The following DPYS variants were observed in gnomAD, a reference collection of about 807,000 sequenced individuals.
DPYS encodes dihydropyrimidinase.
A neutral mutation model predicts 50.3 loss-of-function variants in DPYS; 39 were observed. That is an observed-to-expected ratio of 0.78 (90% CI 0.60 to 1.01). The LOEUF (loss-of-function observed/expected upper bound fraction) is 1.01. DPYS is among the 50% of genes least tolerant of loss of function. DPYS has a pLI of 0.00. For missense variants in DPYS, 659 were observed against 680.9 expected, an observed-to-expected ratio of 0.97 and a Z score of 0.36; for synonymous variants, 245 against 250.7, an observed-to-expected ratio of 0.98 and a Z score of 0.22.
intron 7 of DPYS, among the ~76,000 whole-genome samples, chr8:104,417,227 A>T (rs1812398385): frequency 6.6e-6 from 1 of 152,212 alleles, no homozygotes; most frequent in Admixed American, 6.5e-5. Context: ...TGTGCTTGAG[A>T]TTCTGTGAGA....
chr8:104,436,477 G>C (rs1813151275), intron 4 of DPYS, among the ~76,000 whole-genome samples: 1 of 152,144 alleles, frequency 6.6e-6, no homozygotes, highest in Admixed American at 6.6e-5. Flanking sequence ...GGGCATGGTG[G>C]TGGGCACCTG....
intron 1 of DPYS, among the ~76,000 whole-genome samples, chr8:104,463,367 C>T (rs190261615): frequency 1.1e-3 from 173 of 152,208 alleles, no homozygotes; most frequent in African/African-American, 3.8e-3. Flanking sequence ...TTTCTAAAGA[C>T]GGCTCTGCTC....
chr8:104,444,574 G>A (rs1318713044), intron 3 of DPYS, 137 bp from the exon 4 acceptor site: 2 of 801,230 alleles, frequency 2.5e-6, no homozygotes, highest in African/African-American at 3.4e-5. Context: ...CTGTGTGTGT[G>A]TGTATATGAA....
intron 7 of DPYS, among the ~76,000 whole-genome samples, chr8:104,415,240 C>A (rs1812325187): frequency 6.6e-6 from 1 of 152,186 alleles, no homozygotes; most frequent in South Asian, 2.1e-4. Context: ...AAGAAAAATA[C>A]AGCAGGTGCT....
At chr8:104,394,679 G>T (rs545356809) in intron 7 of DPYS, among the ~76,000 whole-genome samples, 1 of 151,578 alleles carries the variant, frequency 6.6e-6, no homozygotes, top group African/African-American at 2.4e-5. Flanking sequence ...ATCAGATCAT[G>T]TCACTTTCCT....
At chr8:104,391,369 C>T (rs1811382595) in intron 8 of DPYS, among the ~76,000 whole-genome samples, 2 of 152,208 alleles carry the variant, frequency 1.3e-5, no homozygotes, top group Non-Finnish European at 2.9e-5. Flanking sequence ...ACACTACCAT[C>T]TACATGGCCA....
intron 5 of DPYS, among the ~76,000 whole-genome samples, chr8:104,428,722 T>C (rs568835366): frequency 1.3e-5 from 2 of 152,250 alleles, no homozygotes; most frequent in South Asian, 4.1e-4. Flanking sequence ...CTGAAAAGAA[T>C]GGGTAAGTGA....
Position 104,466,888 on chromosome 8 carries a change from C to G in DPYS, c.33G>C (p.Gly11=). 2 of 1,514,020 alleles carry G rather than the reference C, an allele frequency of 1.3e-6. No individual in the cohort carries two copies. The highest frequency in any genetic ancestry group is 1.8e-6 in the Non-Finnish European group (2 of 1,137,326). 93.8% of individuals were successfully genotyped at this position (1,514,020 alleles called of 1,614,324 possible). The change falls in exon 1 of 10, where the codon GGG becomes GGC. Residue 11 remains glycine (G), a synonymous_variant. Transcript: ENST00000351513. MAAPSRLLIR[G]GRVVNDDFSE... is the part of the protein sequence containing the mutation. ...AGAAGTCATCGTTGACCACGCGACC[C>G]CCGCGGATCAGGAGCCGCGAGGGCG...
In DPYS at chr8:104,466,800, G is replaced by A. The variant is rs1378131313; in HGVS notation, c.121C>T (p.Pro41Ser). The stretch of plus-strand genomic sequence containing the variant: ...AGCCCCGCAGGAGCGCCCCCGGGAG[G>A]CAGCAGGTCGTGCCCGAGTGCCCGC... Reference protein sequence around the residue: ...VVRALGHDLLPPGGAPAGLRV... With the variant: ...VVRALGHDLLSPGGAPAGLRV... Residue 41 changes from proline to serine, a missense_variant, in exon 1 of 10, where the codon CCT becomes TCT. By Grantham distance (74) the Pro-to-Ser change is moderately conservative. Coordinates refer to ENST00000351513, the MANE Select transcript of DPYS (RefSeq NM_001385.3). The A allele has an allele frequency of 6.5e-7, 1 of 1,534,242 alleles. No individual in the cohort carries two copies. Among genetic ancestry groups the A allele is most frequent in the South Asian group, 1.2e-5 (1 of 83,616 alleles).
chr8:104,399,130 A>G (rs1028205606), intron 7 of DPYS, among the ~76,000 whole-genome samples: 3 of 151,942 alleles, frequency 2.0e-5, no homozygotes, highest in Non-Finnish European at 4.4e-5. Context: ...GTCTCTACTA[A>G]AAATACAAAA....
intron 1 of DPYS, among the ~76,000 whole-genome samples, chr8:104,460,161 T>C (rs552343661): frequency 6.6e-6 from 1 of 152,328 alleles, no homozygotes; most frequent in South Asian, 2.1e-4. Context: ...AGAAGCATCA[T>C]GGAAACCTTG....
At chr8:104,383,162 C>G (rs1409112828) in intron 8 of DPYS, among the ~76,000 whole-genome samples, 4 of 152,204 alleles carry the variant, frequency 2.6e-5, no homozygotes, top group African/African-American at 7.2e-5. Context: ...GCTCTGGGAG[C>G]AGGCACCACC....
At chr8:104,413,899 T>C (rs936402582) in intron 7 of DPYS, among the ~76,000 whole-genome samples, 1 of 151,970 alleles carries the variant, frequency 6.6e-6, no homozygotes, top group Non-Finnish European at 1.5e-5. Flanking sequence ...AAGAGAAGGG[T>C]GGATACAGGA....
chr8:104,466,241 T>C (rs1564119613), intron 1 of DPYS, among the ~76,000 whole-genome samples: 2 of 152,124 alleles, frequency 1.3e-5, no homozygotes, highest in African/African-American at 4.8e-5. Context: ...TTGGGAGAAA[T>C]GGCTGGAAGT....
At position 104,447,497 on chromosome 8, in the gene DPYS, C is replaced by G; in HGVS notation, c.430G>C (p.Glu144Gln). The G allele has an allele frequency of 6.2e-7, 1 of 1,614,054 alleles. No individual in the cohort carries two copies. Among genetic ancestry groups the G allele is most frequent in the Non-Finnish European group, 8.5e-7 (1 of 1,179,992 alleles). Residue 144 changes from glutamate to glutamine, a missense_variant, in exon 3 of 10, where the codon GAA becomes CAA. Transcript: ENST00000351513. ...TCTTGCACAAGGATTTTCATTTCTT[C>G]TTTAACCTAAAAGGAAGCAGCAACC... ...AVTWWSDQVK[E>Q]EMKILVQDKG...
chr8:104,441,749 T>C (rs950476090), intron 4 of DPYS, among the ~76,000 whole-genome samples: 2 of 152,218 alleles, frequency 1.3e-5, no homozygotes, highest in Admixed American at 6.5e-5. Context: ...CTTTCACAAA[T>C]TGAAATGGCA....
In DPYS at chr8:104,380,068, G is replaced by A. The variant is rs551558793; in HGVS notation, c.*15-225C>T. Among the ~76,000 whole-genome samples, 9 of 151,988 alleles carry A rather than the reference G, an allele frequency of 5.9e-5. No homozygotes were observed. In the South Asian group the frequency reaches 6.2e-4, roughly 11 times the overall value. On this transcript the variant is annotated intron_variant, in intron 9 of 9. Transcript: ENST00000351513. Reference sequence around the variant, plus strand: ...CTAGATTAGAAGAATAATTCTGGTCGTCTGAAAATGACAAAAATGTTGAGA... The same window carrying A: ...CTAGATTAGAAGAATAATTCTGGTCATCTGAAAATGACAAAAATGTTGAGA...
Position 104,428,075 on chromosome 8 carries a change from A to G in DPYS, c.997T>C (p.Cys333Arg). 6.2e-7 allele frequency: 1 copy of G among 1,614,240 alleles called. No homozygotes were observed. The highest frequency in any genetic ancestry group is 8.5e-7 in the Non-Finnish European group (1 of 1,180,040). Reference sequence around the variant, plus strand: ...TCATCCTTCCCAAGAGCTTTCTGGCAGGTGTTGAAAGTGCAGTTATCAGTC... The same window carrying G: ...TCATCCTTCCCAAGAGCTTTCTGGCGGGTGTTGAAAGTGCAGTTATCAGTC... Reference protein sequence around the residue: ...TGTDNCTFNTCQKALGKDDFT... With the variant: ...TGTDNCTFNTRQKALGKDDFT... Residue 333 changes from cysteine to arginine, a missense_variant, in exon 6 of 10, where the codon TGC (cysteine) becomes CGC (arginine). Coordinates refer to ENST00000351513, the MANE Select transcript of DPYS (RefSeq NM_001385.3).
At chr8:104,381,600 G>C (rs986826609) in intron 8 of DPYS, among the ~76,000 whole-genome samples, 3 of 152,088 alleles carry the variant, frequency 2.0e-5, no homozygotes, top group Non-Finnish European at 4.4e-5. Flanking sequence ...GTCTCCTGCT[G>C]TCCTTTCCAA....
Sources: gnomAD v4.1 joint callset for allele counts (sites outside exome capture counted in the v4.1 genomes callset) on GRCh38, gnomAD v4.1.1 for gene constraint, MANE v1.5 for transcripts, NCBI Gene and HGNC (gene_info 2026-07-23, HGNC 2026-07-21) for gene names.